Variants in TSC22D1 observed in about 807,000 individuals in gnomAD.
TSC22D1 encodes the protein TSC22 domain family protein 1.
In TSC22D1, 9 loss-of-function variants were observed where a neutral mutation model predicts 74.2. That is an observed-to-expected ratio of 0.12 (90% CI 0.07 to 0.21). The LOEUF (loss-of-function observed/expected upper bound fraction) is 0.21. TSC22D1 is among the 10% of genes least tolerant of loss of function. The pLI is 1.00. For synonymous variants in TSC22D1, 586 were observed against 492.5 expected (o/e 1.19, Z -2.51); for missense variants, 1,427 against 1,304.7 (o/e 1.09, Z -1.44).
intron 1 of TSC22D1, among the ~76,000 whole-genome samples, chr13:44,469,511 T>A (rs1359308131): frequency 2.6e-5 from 4 of 152,166 alleles, no homozygotes; most frequent in Non-Finnish European, 5.9e-5. Context: ...AGCTCTTGCA[T>A]CTGATCTTTC....
intron 1 of TSC22D1, among the ~76,000 whole-genome samples, chr13:44,462,325 G>A (rs1361500533): frequency 6.6e-6 from 1 of 152,148 alleles, no homozygotes; most frequent in African/African-American, 2.4e-5. Flanking sequence ...TTTTTGGAAA[G>A]GTGCTGGACC....
At chr13:44,510,755 G>A (rs1410870596) in intron 1 of TSC22D1, among the ~76,000 whole-genome samples, 1 of 152,016 alleles carries the variant, frequency 6.6e-6, no homozygotes, top group Non-Finnish European at 1.5e-5. Context: ...ACCACACCCA[G>A]CTAATTTTTG....
At position 44,527,247 on chromosome 13, in the gene TSC22D1, TAA is replaced by T. The variant is rs1285952270; in HGVS notation, c.2912+45914_2912+45915del. ...TGCACAAAGGAAAAGCATTAAAGAA[TAA>T]AAGATAAAAACAAAACGTTTATTTT... On this transcript the variant is annotated intron_variant, in intron 1 of 2. Transcript: ENST00000458659. Among the ~76,000 whole-genome samples the T allele has an allele frequency of 2.0e-5, 3 of 152,074 alleles. No homozygotes were observed. The South Asian group carries it at 6.2e-4, about 31-fold the overall frequency.
At chr13:44,530,688 T>C (rs1183090358) in intron 1 of TSC22D1, among the ~76,000 whole-genome samples, 1 of 151,990 alleles carries the variant, frequency 6.6e-6, no homozygotes, top group East Asian at 1.9e-4. Context: ...AACCTGATTT[T>C]TAAAATGGGT....
At position 44,574,112 on chromosome 13, in the gene TSC22D1, C is replaced by G; in HGVS notation, c.1963G>C (p.Glu655Gln). 1 of 1,614,168 alleles carries G rather than the reference C, an allele frequency of 6.2e-7. No individual in the cohort carries two copies. Among genetic ancestry groups the G allele is most frequent in the Non-Finnish European group, 8.5e-7 (1 of 1,179,962 alleles). ...VKSVTQNPAS[E>Q]YVQQQPILQT... ...AGAATTGGCTGCTGTTGTACATACT[C>G]TGAAGCAGGATTTTGAGTCACTGAT... is the stretch of plus-strand genomic sequence containing the variant. The change falls in exon 1 of 3, where the codon GAG becomes CAG. Residue 655 changes from glutamate to glutamine, a missense_variant. By Grantham distance (29) the Glu-to-Gln change is conservative (BLOSUM62 2). This residue lies in a region of TSC22D1 where 1,343 missense variants were observed against 1,191.5 expected (regional missense o/e 1.13). Coordinates refer to ENST00000458659, the MANE Select transcript of TSC22D1 (RefSeq NM_183422.4).
intron 1 of TSC22D1, among the ~76,000 whole-genome samples, chr13:44,543,472 T>C (rs1401686990): frequency 6.6e-6 from 1 of 152,246 alleles, no homozygotes; most frequent in Non-Finnish European, 1.5e-5. Context: ...TATCTTTTTA[T>C]TCTTTACCTA....
intron 1 of TSC22D1, among the ~76,000 whole-genome samples, chr13:44,447,146 C>CTT (rs59178966): frequency 6.3e-5 from 9 of 143,118 alleles, no homozygotes; most frequent in East Asian, 6.1e-4. Context: ...GATACCTATA[C>CTT]TTTTTTTTTT....
At chr13:44,497,490 T>C (rs765359470) in intron 1 of TSC22D1, among the ~76,000 whole-genome samples, 2 of 152,208 alleles carry the variant, frequency 1.3e-5, no homozygotes, top group South Asian at 2.1e-4. Context: ...CCAAATACTA[T>C]TGAATTATAT....
chr13:44,517,821 G>GTA (rs1404352566), intron 1 of TSC22D1, among the ~76,000 whole-genome samples: 762 of 32,628 alleles, frequency 0.023, 36 homozygotes, highest in Non-Finnish European at 0.035. Context: ...ATGTGTGTGT[G>GTA]TGTGTGTGTA....
At chr13:44,459,795 G>A (rs889045150) in intron 1 of TSC22D1, among the ~76,000 whole-genome samples, 1 of 152,168 alleles carries the variant, frequency 6.6e-6, no homozygotes, top group Non-Finnish European at 1.5e-5. Flanking sequence ...GCACAGAGCC[G>A]GCGCCTAGAG....
At position 44,574,662 on chromosome 13, in the gene TSC22D1, GCTCACTGAACT is replaced by G; in HGVS notation, c.1402_1412del (p.Ser468GlnfsTer2). The G allele has an allele frequency of 6.2e-7, 1 of 1,614,032 alleles. No individual in the cohort carries two copies. The highest frequency in any genetic ancestry group is 2.2e-5 in the East Asian group (1 of 44,882). The stretch of plus-strand genomic sequence containing the variant: ...AGTGACTCAGTGTGCTGACACTACT[GCTCACTGAACT>G]CCCACTAGTGCTCTCCCTTTCAGAA... On this transcript the variant is annotated frameshift_variant, in exon 1 of 3. Coordinates refer to ENST00000458659, the MANE Select transcript of TSC22D1 (RefSeq NM_183422.4). LOFTEE classifies it high-confidence loss of function.
intron 1 of TSC22D1, among the ~76,000 whole-genome samples, chr13:44,521,008 G>A (rs1017950949): frequency 3.3e-5 from 5 of 152,140 alleles, no homozygotes; most frequent in Non-Finnish European, 7.3e-5. Context: ...TGAGGAAACT[G>A]AGACATGCAG....
chr13:44,505,649 T>C (rs1394552146), intron 1 of TSC22D1, among the ~76,000 whole-genome samples: 1 of 152,210 alleles, frequency 6.6e-6, no homozygotes, highest in African/African-American at 2.4e-5. Context: ...TGCTATTAAA[T>C]TATCCCAGAA....
At chr13:44,544,123 T>C (rs1050425347) in intron 1 of TSC22D1, among the ~76,000 whole-genome samples, 2 of 152,090 alleles carry the variant, frequency 1.3e-5, no homozygotes, top group Admixed American at 6.6e-5. Context: ...TAAACTTTCA[T>C]GTATCCATCT....
At chr13:44,496,003 A>G (rs1878956498) in intron 1 of TSC22D1, among the ~76,000 whole-genome samples, 1 of 152,236 alleles carries the variant, frequency 6.6e-6, no homozygotes, top group South Asian at 2.1e-4. Context: ...TCAAAATTAA[A>G]CCTTTTGTAC....
chr13:44,545,923 G>A (rs1319972321), intron 1 of TSC22D1, among the ~76,000 whole-genome samples: 2 of 151,766 alleles, frequency 1.3e-5, no homozygotes, highest in African/African-American at 2.4e-5. Flanking sequence ...GTTGCAGTGA[G>A]CCAAGATCGC....
At position 44,464,322 on chromosome 13, in the gene TSC22D1, G is replaced by A. The variant is rs1468936004; in HGVS notation, c.2913-28227C>T. On this transcript the variant is annotated intron_variant, in intron 1 of 2. Coordinates refer to ENST00000458659, the MANE Select transcript of TSC22D1 (RefSeq NM_183422.4). ...TTCATTGTTCCATTTTTTTAAAAGC[G>A]TAATGTTCATATTACTCCCACCATT... Among the ~76,000 whole-genome samples the A allele has an allele frequency of 3.9e-5, 6 of 152,088 alleles. No homozygotes were observed. The East Asian group carries it at 7.7e-4, about 20-fold the overall frequency.
chr13:44,460,384 G>T (rs1456536881), intron 1 of TSC22D1, among the ~76,000 whole-genome samples: 1 of 152,110 alleles, frequency 6.6e-6, no homozygotes, highest in Non-Finnish European at 1.5e-5. Flanking sequence ...CCTTTTCCAT[G>T]ACACAGAATA....
At chr13:44,565,973 AAAAT>A (rs1883346763) in intron 1 of TSC22D1, among the ~76,000 whole-genome samples, 2 of 152,270 alleles carry the variant, frequency 1.3e-5, no homozygotes, top group South Asian at 2.1e-4. Flanking sequence ...TTCAAAAGAA[AAAAT>A]AAATAAATAA....
Sources: gnomAD v4.1 joint callset for allele counts (sites outside exome capture counted in the v4.1 genomes callset) on GRCh38, gnomAD v4.1.1 for gene constraint, gnomAD v4.1.1 regional missense constraint, MANE v1.5 for transcripts, NCBI Gene and HGNC (gene_info 2026-07-23, HGNC 2026-07-21) for gene names.